Variants in ABTB3 observed in about 807,000 individuals in gnomAD.
The protein encoded by ABTB3 is ankyrin repeat- and BTB/POZ domain-containing protein 3.
the ABTB3 span, among the ~76,000 whole-genome samples, chr12:107,538,293 T>C: frequency 6.6e-6 from 1 of 152,210 alleles, no homozygotes; most frequent in Non-Finnish European, 1.5e-5. Context: ...ATTTCAGTCT[T>C]ATTAGTTCTC....
chr12:107,649,400 A>G, the ABTB3 span: 59 of 886,290 alleles, frequency 6.7e-5, 1 homozygote, highest in South Asian at 8.1e-4. Flanking sequence ...ATTTGGATGA[A>G]GACTTGGGGC....
At chr12:107,355,832 T>C in the ABTB3 span, among the ~76,000 whole-genome samples, 2 of 152,198 alleles carry the variant, frequency 1.3e-5, no homozygotes, top group Non-Finnish European at 2.9e-5. Flanking sequence ...TATTTAACCA[T>C]GTGTAACTTT....
At chr12:107,599,628 C>T in the ABTB3 span, among the ~76,000 whole-genome samples, 6 of 152,290 alleles carry the variant, frequency 3.9e-5, no homozygotes, top group South Asian at 2.1e-4. Flanking sequence ...TCAATTATGT[C>T]GTTACCTGTG....
the ABTB3 span, among the ~76,000 whole-genome samples, chr12:107,377,703 G>A: frequency 6.6e-6 from 1 of 152,292 alleles, no homozygotes; most frequent in Non-Finnish European, 1.5e-5. Context: ...TCTGGCAAAT[G>A]CCTGTTGAAG....
chr12:107,595,302 G>C, the ABTB3 span, among the ~76,000 whole-genome samples: 1 of 152,122 alleles, frequency 6.6e-6, no homozygotes, highest in Non-Finnish European at 1.5e-5. Context: ...TATGGGATCT[G>C]TTTCTAGAAT....
the ABTB3 span, among the ~76,000 whole-genome samples, chr12:107,459,597 A>G: frequency 1.3e-5 from 2 of 152,230 alleles, no homozygotes; most frequent in Admixed American, 1.3e-4. Flanking sequence ...GCAAGTAAGG[A>G]AGTGCCTAGT....
At chr12:107,651,792 T>G in the ABTB3 span, 1 of 1,610,458 alleles carries the variant, frequency 6.2e-7, no homozygotes, top group Non-Finnish European at 8.5e-7. Context: ...GCCAAGGTAA[T>G]CAATCTCATT....
the ABTB3 span, chr12:107,641,991 A>C: frequency 9.1e-7 from 1 of 1,100,336 alleles, no homozygotes; most frequent in South Asian, 1.3e-5. Context: ...TTTGCAGGGG[A>C]AGAAACAAGG....
At chr12:107,390,074 G>C in the ABTB3 span, among the ~76,000 whole-genome samples, 2 of 152,092 alleles carry the variant, frequency 1.3e-5, no homozygotes, top group African/African-American at 4.8e-5. Flanking sequence ...CAAAGTTCTG[G>C]CTAGATTTCA....
chr12:107,531,821 A>G, the ABTB3 span, among the ~76,000 whole-genome samples: 2 of 152,142 alleles, frequency 1.3e-5, no homozygotes, highest in Admixed American at 6.5e-5. Flanking sequence ...CCTGGGTCCC[A>G]GTAGCCCCTG....
the ABTB3 span, among the ~76,000 whole-genome samples, chr12:107,438,787 C>A: frequency 2.6e-5 from 4 of 152,056 alleles, no homozygotes; most frequent in African/African-American, 9.7e-5. Context: ...TCCTTCTTAG[C>A]AATTATGCTG....
At chr12:107,612,687 C>T in the ABTB3 span, 16 of 1,260,328 alleles carry the variant, frequency 1.3e-5, no homozygotes, top group Middle Eastern at 3.8e-4. Flanking sequence ...GCATGGCCTC[C>T]GAAACACAAG....
At chr12:107,387,925 C>T in the ABTB3 span, among the ~76,000 whole-genome samples, 1 of 151,826 alleles carries the variant, frequency 6.6e-6, no homozygotes, top group Non-Finnish European at 1.5e-5. Flanking sequence ...GCTTCCCCTC[C>T]TCCTACTCCT....
the ABTB3 span, among the ~76,000 whole-genome samples, chr12:107,417,098 A>T: frequency 6.6e-6 from 1 of 152,232 alleles, no homozygotes; most frequent in African/African-American, 2.4e-5. Flanking sequence ...TTCTTCTTTC[A>T]TATCCTGTTA....
At chr12:107,621,443 T>G in the ABTB3 span, among the ~76,000 whole-genome samples, 1 of 143,834 alleles carries the variant, frequency 7.0e-6, no homozygotes, top group African/African-American at 2.9e-5. Context: ...ATTCCCAGGG[T>G]CTGGGTTCTA....
the ABTB3 span, among the ~76,000 whole-genome samples, chr12:107,604,545 G>T: frequency 1.3e-5 from 2 of 152,182 alleles, no homozygotes; most frequent in Non-Finnish European, 2.9e-5. Context: ...GTCAGGGAAT[G>T]CAAATTAAAA....
the ABTB3 span, among the ~76,000 whole-genome samples, chr12:107,458,129 A>C: frequency 6.6e-6 from 1 of 152,192 alleles, no homozygotes; most frequent in Non-Finnish European, 1.5e-5. Context: ...TGCTGAGACT[A>C]TGTCAAGCCC....
chr12:107,373,191 T>A, the ABTB3 span, among the ~76,000 whole-genome samples: 1 of 152,206 alleles, frequency 6.6e-6, no homozygotes, highest in African/African-American at 2.4e-5. Context: ...ATGAATGAAC[T>A]CCGCATTGGC....
the ABTB3 span, among the ~76,000 whole-genome samples, chr12:107,456,415 G>A: frequency 6.6e-6 from 1 of 152,182 alleles, no homozygotes; most frequent in South Asian, 2.1e-4. Context: ...TCTCAGAGTG[G>A]CACGAACCGT....
Sources: gnomAD v4.1 joint callset for allele counts (sites outside exome capture counted in the v4.1 genomes callset) on GRCh38, gnomAD v4.1.1 for gene constraint, MANE v1.5 for transcripts, NCBI Gene and HGNC (gene_info 2026-07-23, HGNC 2026-07-21) for gene names.